The following TRPM3 variants were observed in gnomAD, a reference collection of about 807,000 sequenced individuals.
The protein encoded by TRPM3 is transient receptor potential cation channel subfamily M member 3.
TRPM3 carries 77 observed loss-of-function variants against 181.2 expected under a neutral mutation model. That is an observed-to-expected ratio of 0.42 (90% CI 0.35 to 0.51). The LOEUF (loss-of-function observed/expected upper bound fraction) is 0.51, where lower values mean the gene tolerates loss of function less well. Among genes scored for constraint, TRPM3 ranks in the 20% least tolerant of loss-of-function variants. TRPM3 has a pLI of 0.01. For synonymous variants in TRPM3, 745 were observed against 796.4 expected, an observed-to-expected ratio of 0.94 and a Z score of 1.09; for missense variants, 1,759 against 2,196.7, an observed-to-expected ratio of 0.80 and a Z score of 3.98.
chr9:70,793,948 T>C (rs1196283986), intron 6 of TRPM3, among the ~76,000 whole-genome samples: 2 of 152,192 alleles, frequency 1.3e-5, no homozygotes, highest in African/African-American at 4.8e-5. Flanking sequence ...TTAAGTAAGC[T>C]AGGCTGTGCT....
intron 1 of TRPM3, among the ~76,000 whole-genome samples, chr9:71,411,756 T>C (rs532089265): frequency 6.6e-6 from 1 of 152,268 alleles, no homozygotes; most frequent in South Asian, 2.1e-4. Flanking sequence ...ACTTTGAATT[T>C]CATATGGAAC....
chr9:71,440,725 C>T (rs758951658), intron 1 of TRPM3, among the ~76,000 whole-genome samples: 7 of 151,972 alleles, frequency 4.6e-5, no homozygotes, highest in Non-Finnish European at 7.4e-5. Flanking sequence ...CCTAACACTT[C>T]TTAAGTGTTC....
chr9:71,065,873 T>A (rs76145704), intron 1 of TRPM3, among the ~76,000 whole-genome samples: 1 of 152,158 alleles, frequency 6.6e-6, no homozygotes, highest in East Asian at 1.9e-4. Flanking sequence ...TGGGCATTTC[T>A]AGAGACTGAT....
At chr9:71,067,785 T>C (rs1414595823) in intron 1 of TRPM3, among the ~76,000 whole-genome samples, 1 of 152,202 alleles carries the variant, frequency 6.6e-6, no homozygotes, top group Non-Finnish European at 1.5e-5. Flanking sequence ...CATGTACTAT[T>C]TTTAAAGTCC....
chr9:70,923,051 T>C (rs2096674191), intron 1 of TRPM3, among the ~76,000 whole-genome samples: 1 of 151,902 alleles, frequency 6.6e-6, no homozygotes, highest in African/African-American at 2.4e-5. Flanking sequence ...TTTTTCCAAA[T>C]GGAGTGGACT....
At chr9:70,930,270 G>A (rs544753984) in intron 1 of TRPM3, among the ~76,000 whole-genome samples, 186 of 152,236 alleles carry the variant, frequency 1.2e-3, no homozygotes, top group Non-Finnish European at 2.2e-3. Flanking sequence ...TGCAGTAAAT[G>A]GTGGCTATTT....
At chr9:70,700,565 G>A (rs2072175722) in intron 8 of TRPM3, among the ~76,000 whole-genome samples, 1 of 152,228 alleles carries the variant, frequency 6.6e-6, no homozygotes, top group Non-Finnish European at 1.5e-5. Context: ...TTTGAACAGA[G>A]CTATATCGCA....
intron 1 of TRPM3, among the ~76,000 whole-genome samples, chr9:70,953,809 G>A (rs2097032202): frequency 6.6e-6 from 1 of 152,174 alleles, no homozygotes; most frequent in Non-Finnish European, 1.5e-5. Context: ...AGCCAAAGCA[G>A]GTTGACGGAG....
intron 3 of TRPM3, 140 bp from the exon 4 acceptor site, chr9:70,846,731 A>G (rs1409798925): frequency 1.6e-6 from 1 of 642,252 alleles, no homozygotes; most frequent in Non-Finnish European, 2.7e-6. Context: ...AGGGGTGATC[A>G]TTTGCTTTAT....
At chr9:71,187,495 A>G (rs1200906880) in intron 1 of TRPM3, among the ~76,000 whole-genome samples, 2 of 151,972 alleles carry the variant, frequency 1.3e-5, no homozygotes, top group Non-Finnish European at 2.9e-5. Flanking sequence ...CCAGGCAGAT[A>G]CCCTTTTTCC....
intron 1 of TRPM3, among the ~76,000 whole-genome samples, chr9:70,909,041 A>T (rs2096505708): frequency 6.6e-6 from 1 of 152,238 alleles, no homozygotes; most frequent in East Asian, 1.9e-4. Context: ...TCTTTGGAGT[A>T]GGCAAAGATT....
intron 1 of TRPM3, among the ~76,000 whole-genome samples, chr9:71,408,552 G>A (rs1361182717): frequency 2.0e-5 from 3 of 152,034 alleles, no homozygotes; most frequent in Non-Finnish European, 4.4e-5. Context: ...GAAATTTAGA[G>A]GAAAAAGAGT....
At chr9:70,573,960 A>G (rs1311823970) in intron 22 of TRPM3, among the ~76,000 whole-genome samples, 1 of 146,940 alleles carries the variant, frequency 6.8e-6, no homozygotes, top group African/African-American at 2.5e-5. Context: ...AGCTTAAATC[A>G]TGCAATTCAT....
At chr9:70,645,198 G>GA (rs1040244390) in intron 9 of TRPM3, among the ~76,000 whole-genome samples, 3 of 152,084 alleles carry the variant, frequency 2.0e-5, no homozygotes, top group African/African-American at 7.2e-5. Context: ...CACAGAATTA[G>GA]AAAAAACTAT....
At chr9:70,622,192 C>T (rs917552254) in intron 14 of TRPM3, among the ~76,000 whole-genome samples, 4 of 152,112 alleles carry the variant, frequency 2.6e-5, no homozygotes, top group African/African-American at 4.8e-5. Flanking sequence ...AGGAAGCAGG[C>T]TCTCACCAGA....
chr9:71,187,905 A>G (rs952883719), intron 1 of TRPM3, among the ~76,000 whole-genome samples: 1 of 98,534 alleles, frequency 1.0e-5, no homozygotes, highest in African/African-American at 3.6e-5. Flanking sequence ...ATAGATAGAT[A>G]GATAGATAGA....
intron 9 of TRPM3, among the ~76,000 whole-genome samples, chr9:70,649,995 G>A (rs60000716): frequency 0.018 from 2,697 of 152,212 alleles, 85 homozygotes; most frequent in African/African-American, 0.061. Context: ...GAATGAAATC[G>A]TGTCCTTTGC....
intron 20 of TRPM3, 85 bp downstream of exon 20, chr9:70,603,257 C>A (rs1188753933): frequency 1.3e-6 from 2 of 1,491,352 alleles, no homozygotes; most frequent in Non-Finnish European, 1.8e-6. Flanking sequence ...TAATTTGCAT[C>A]CCAGGCATCT....
At chr9:71,050,078 T>C (rs1319259982) in intron 1 of TRPM3, among the ~76,000 whole-genome samples, 1 of 152,142 alleles carries the variant, frequency 6.6e-6, no homozygotes, top group East Asian at 1.9e-4. Flanking sequence ...AAATAACAAC[T>C]GGACCCAGAA....
Sources: allele counts gnomAD v4.1 joint callset (sites outside exome capture counted in the v4.1 genomes callset), GRCh38; gene constraint gnomAD v4.1.1; transcripts MANE v1.5; gene names NCBI Gene and HGNC (gene_info 2026-07-23, HGNC 2026-07-21).